Variants in GAS7 observed in about 807,000 individuals in gnomAD.
GAS7 encodes growth arrest specific 7.
Under a neutral mutation model 71.1 loss-of-function variants are expected in GAS7, and 28 were observed. That is an observed-to-expected ratio of 0.39 (90% CI 0.29 to 0.54). GAS7 has a LOEUF of 0.54. Among genes scored for constraint, GAS7 ranks in the 20% least tolerant of loss-of-function variants. The pLI is 0.62. For missense variants in GAS7, 436 were observed against 627.8 expected (o/e 0.69, Z 3.27); for synonymous variants, 258 against 245.8 (o/e 1.05, Z -0.46).
At chr17:10,159,438 T>C (rs2074234311) in intron 1 of GAS7, among the ~76,000 whole-genome samples, 1 of 152,074 alleles carries the variant, frequency 6.6e-6, no homozygotes, top group Non-Finnish European at 1.5e-5. Context: ...GATGGTGTAT[T>C]TATTCATAGG....
intron 1 of GAS7, among the ~76,000 whole-genome samples, chr17:10,081,013 G>A (rs1418813462): frequency 6.6e-6 from 1 of 152,184 alleles, no homozygotes; most frequent in Admixed American, 6.5e-5. Flanking sequence ...AAGATGACAG[G>A]CTCCTCAGAA....
chr17:10,002,930 A>G (rs920867940), intron 2 of GAS7, among the ~76,000 whole-genome samples: 2 of 152,220 alleles, frequency 1.3e-5, no homozygotes, highest in African/African-American at 2.4e-5. Flanking sequence ...ATACCCAGCA[A>G]TAGGATGGCT....
chr17:9,999,109 A>G (rs1217760070), intron 2 of GAS7, among the ~76,000 whole-genome samples: 1 of 152,240 alleles, frequency 6.6e-6, no homozygotes, highest in Non-Finnish European at 1.5e-5. Flanking sequence ...CCGCTTATGC[A>G]TCAACTTTTT....
chr17:9,957,785 C>T (rs1165433448), intron 5 of GAS7, among the ~76,000 whole-genome samples: 2 of 152,244 alleles, frequency 1.3e-5, no homozygotes, highest in African/African-American at 4.8e-5. Context: ...CCCCACAGTC[C>T]AAGCAGGCTG....
intron 4 of GAS7, among the ~76,000 whole-genome samples, chr17:9,961,533 G>C (rs892813036): frequency 6.6e-6 from 1 of 152,318 alleles, no homozygotes; most frequent in South Asian, 2.1e-4. Flanking sequence ...CCCAGAGAGG[G>C]GAACCAGCAC....
At chr17:10,121,388 A>G (rs1000494903) in intron 1 of GAS7, among the ~76,000 whole-genome samples, 2 of 152,134 alleles carry the variant, frequency 1.3e-5, no homozygotes, top group African/African-American at 4.8e-5. Flanking sequence ...CTCAAAAAAC[A>G]AATAAAAAAT....
At chr17:10,059,592 T>C (rs1017659753) in intron 1 of GAS7, 2 of 565,878 alleles carry the variant, frequency 3.5e-6, no homozygotes, top group Non-Finnish European at 2.2e-6. Context: ...GGAAGATTTC[T>C]CCTCCTGCAG....
chr17:10,002,639 C>G (rs905788070), intron 2 of GAS7, among the ~76,000 whole-genome samples: 5 of 152,090 alleles, frequency 3.3e-5, no homozygotes, highest in African/African-American at 1.2e-4. Context: ...CAATTCCCAC[C>G]TATGAGTGAG....
chr17:10,174,986 C>G (rs1460564920), intron 1 of GAS7, among the ~76,000 whole-genome samples: 1 of 152,102 alleles, frequency 6.6e-6, no homozygotes, highest in East Asian at 1.9e-4. Flanking sequence ...GCTGGGACCA[C>G]ACGTGCATGC....
In GAS7 at chr17:10,066,516, T is replaced by C. The variant is rs567389988; in HGVS notation, c.184-46619A>G. Among the ~76,000 whole-genome samples, 159 of 152,218 alleles carry C rather than the reference T, an allele frequency of 1.0e-3. 1 individual carries two copies. The highest frequency in any genetic ancestry group is 0.01 in the South Asian group (50 of 4,826). ...CTTTTTTTTGTTTTGTTTTTTGTTTTGCAGAGACAGACTCTTGCTATATTG... is the reference window on the plus strand; with the variant it reads ...CTTTTTTTTGTTTTGTTTTTTGTTTCGCAGAGACAGACTCTTGCTATATTG... On this transcript the variant is annotated intron_variant, in intron 1 of 13. Transcript: ENST00000432992.
chr17:9,965,960 C>T (rs2069690943), intron 4 of GAS7, among the ~76,000 whole-genome samples: 2 of 151,808 alleles, frequency 1.3e-5, no homozygotes, highest in African/African-American at 4.8e-5. Flanking sequence ...CGTGGAAAGT[C>T]CCTTTCCCCA....
intron 2 of GAS7, among the ~76,000 whole-genome samples, chr17:9,994,943 T>C (rs2070981738): frequency 1.3e-5 from 2 of 152,224 alleles, no homozygotes. Flanking sequence ...TCCCAGGTGT[T>C]TGGAGCTGAC....
intron 2 of GAS7, among the ~76,000 whole-genome samples, chr17:10,016,885 C>T (rs962241604): frequency 3.3e-5 from 5 of 150,254 alleles, no homozygotes; most frequent in South Asian, 4.2e-4. Context: ...AGGAAGTTAA[C>T]GCTGCAGTGA....
At chr17:10,087,205 C>T (rs76418032) in intron 1 of GAS7, among the ~76,000 whole-genome samples, 1,721 of 152,296 alleles carry the variant, frequency 0.011, 16 homozygotes, top group South Asian at 0.018. Context: ...GAGAGCTCTA[C>T]ACGCAAACTC....
chr17:10,048,690 G>A (rs143964636), intron 1 of GAS7, among the ~76,000 whole-genome samples: 6 of 152,276 alleles, frequency 3.9e-5, no homozygotes, highest in African/African-American at 1.4e-4. Flanking sequence ...CCATCAAGTT[G>A]TATGAGTATT....
In GAS7 at chr17:9,974,781, T is replaced by C. The variant is rs957695657; in HGVS notation, c.386-5019A>G. ...AACAGAAACAGAAAAGAAAGGCGAA[T>C]ATGAAAAGTTATCGAGAAAGGCCAA... On this transcript the variant is annotated intron_variant, in intron 3 of 13. Transcript: ENST00000432992. The surrounding 1 kb of genome is among the most constrained non-coding windows in gnomAD (Gnocchi z 4.0). Among the ~76,000 whole-genome samples, 3 of 151,724 alleles carry C rather than the reference T, an allele frequency of 2.0e-5. No homozygotes were observed. The highest frequency in any genetic ancestry group is 7.3e-5 in the African/African-American group (3 of 41,272).
At chr17:10,001,066 C>T (rs1326413963) in intron 2 of GAS7, among the ~76,000 whole-genome samples, 1 of 152,182 alleles carries the variant, frequency 6.6e-6, no homozygotes, top group Non-Finnish European at 1.5e-5. Context: ...TTCACGTTCA[C>T]ACAGCTTGGC....
intron 1 of GAS7, among the ~76,000 whole-genome samples, chr17:10,052,102 C>T (rs1053240070): frequency 6.6e-6 from 1 of 152,136 alleles, no homozygotes; most frequent in Non-Finnish European, 1.5e-5. Flanking sequence ...TCACCCCACA[C>T]TGTCCCCCGA....
intron 1 of GAS7, among the ~76,000 whole-genome samples, chr17:10,053,426 T>A (rs1166829148): frequency 6.6e-6 from 1 of 152,192 alleles, no homozygotes; most frequent in Admixed American, 6.5e-5. Flanking sequence ...AATGTACATG[T>A]GTGGCTGGCT....
Sources: allele counts gnomAD v4.1 joint callset (sites outside exome capture counted in the v4.1 genomes callset), GRCh38; gene constraint gnomAD v4.1.1; non-coding constraint Gnocchi (gnomAD v3.1); transcripts MANE v1.5; gene names NCBI Gene and HGNC (gene_info 2026-07-23, HGNC 2026-07-21).